Variants in EYS observed in about 807,000 individuals in gnomAD.
The protein encoded by EYS is EGF-like photoreceptor maintenance factor.
A neutral mutation model predicts 282.1 loss-of-function variants in EYS; 250 were observed. The observed-to-expected ratio is 0.89, with a 90% CI of 0.80 to 0.98. The LOEUF (loss-of-function observed/expected upper bound fraction) is 0.98. Among genes scored for constraint, EYS ranks in the 50% least tolerant of loss-of-function variants. The pLI is 0.00. For missense variants in EYS, 4,016 were observed against 3,709.0 expected, an observed-to-expected ratio of 1.08 and a Z score of -2.15; for synonymous variants, 1,355 against 1,282.9, an observed-to-expected ratio of 1.06 and a Z score of -1.20.
intron 12 of EYS, among the ~76,000 whole-genome samples, chr6:65,225,170 T>G (rs2150262721): frequency 6.6e-6 from 1 of 151,568 alleles, no homozygotes; most frequent in South Asian, 2.1e-4. Context: ...AACTTTTCAA[T>G]ATATGTATAA....
chr6:63,775,658 A>G (rs1309454214), intron 40 of EYS, among the ~76,000 whole-genome samples: 2 of 152,222 alleles, frequency 1.3e-5, no homozygotes, highest in Non-Finnish European at 2.9e-5. Flanking sequence ...AACTTCTTAA[A>G]CACTTTTGAA....
chr6:64,367,861 T>C (rs1772229977), intron 29 of EYS, among the ~76,000 whole-genome samples: 1 of 152,116 alleles, frequency 6.6e-6, no homozygotes, highest in Non-Finnish European at 1.5e-5. Context: ...TCTGGGTTTG[T>C]CCTGTGCAAA....
intron 22 of EYS, among the ~76,000 whole-genome samples, chr6:64,783,483 T>C (rs1773925996): frequency 2.6e-5 from 4 of 152,054 alleles, no homozygotes. Context: ...ATCTTCATTA[T>C]GTGCTAAAGG....
intron 31 of EYS, among the ~76,000 whole-genome samples, chr6:64,105,101 G>C (rs905033194): frequency 6.6e-6 from 1 of 151,840 alleles, no homozygotes; most frequent in African/African-American, 2.4e-5. Flanking sequence ...AGAACTAGGA[G>C]TAAGAGGAAA....
chr6:63,770,104 G>C (rs1300562411), intron 40 of EYS, among the ~76,000 whole-genome samples: 1 of 151,974 alleles, frequency 6.6e-6, no homozygotes, highest in Middle Eastern at 3.4e-3. Flanking sequence ...ATAATATTCA[G>C]TTTCTTAGGG....
chr6:65,469,708 C>T (rs889296781), intron 5 of EYS, among the ~76,000 whole-genome samples: 1 of 151,946 alleles, frequency 6.6e-6, no homozygotes, highest in Non-Finnish European at 1.5e-5. Flanking sequence ...TACCATTCAG[C>T]TCTTTTTTTT....
chr6:64,446,725 G>C (rs1315025134), intron 26 of EYS, among the ~76,000 whole-genome samples: 1 of 152,008 alleles, frequency 6.6e-6, no homozygotes, highest in East Asian at 1.9e-4. Flanking sequence ...TTGATAGTTT[G>C]ATAATTACTC....
At chr6:64,719,807 A>G (rs993076871) in intron 22 of EYS, among the ~76,000 whole-genome samples, 1 of 152,176 alleles carries the variant, frequency 6.6e-6, no homozygotes, top group African/African-American at 2.4e-5. Context: ...AGGCTGAGGC[A>G]AGAGAATTTC....
At chr6:65,401,451 A>T (rs1766491329) in intron 7 of EYS, among the ~76,000 whole-genome samples, 1 of 151,236 alleles carries the variant, frequency 6.6e-6, no homozygotes, top group Non-Finnish European at 1.5e-5. Context: ...CTACTAGCAC[A>T]TTGAGGCATA....
chr6:65,436,026 C>G (rs1452943426), intron 5 of EYS, among the ~76,000 whole-genome samples: 2 of 151,976 alleles, frequency 1.3e-5, no homozygotes, highest in Non-Finnish European at 2.9e-5. Flanking sequence ...AGTACATGGC[C>G]CTTTTTTTTA....
intron 35 of EYS, among the ~76,000 whole-genome samples, chr6:63,953,877 A>C (rs546691986): frequency 6.6e-6 from 1 of 152,304 alleles, no homozygotes; most frequent in Admixed American, 6.5e-5. Context: ...TTACTGTTTT[A>C]GCGTAGCCCT....
At chr6:64,551,049 A>T (rs1029895973) in intron 26 of EYS, among the ~76,000 whole-genome samples, 1 of 151,916 alleles carries the variant, frequency 6.6e-6, no homozygotes, top group African/African-American at 2.4e-5. Context: ...CACTTTTTCT[A>T]TTTTTAGGCA....
At chr6:63,755,102 A>T (rs1041428403) in intron 41 of EYS, among the ~76,000 whole-genome samples, 2 of 151,916 alleles carry the variant, frequency 1.3e-5, no homozygotes, top group Admixed American at 6.6e-5. Context: ...CGTTTTTCAG[A>T]TGGATAGATT....
chr6:65,261,979 T>G (rs1037369858), intron 12 of EYS, among the ~76,000 whole-genome samples: 1 of 152,056 alleles, frequency 6.6e-6, no homozygotes, highest in Non-Finnish European at 1.5e-5. Context: ...GGCCAGTGGA[T>G]CAAACTATTC....
At chr6:65,289,460 A>C (rs1397652404) in intron 12 of EYS, among the ~76,000 whole-genome samples, 1 of 151,006 alleles carries the variant, frequency 6.6e-6, no homozygotes, top group Non-Finnish European at 1.5e-5. Flanking sequence ...CTTGAGGACT[A>C]CTCCCAAATA....
chr6:65,605,371 T>C (rs1011536655), intron 2 of EYS, among the ~76,000 whole-genome samples: 2 of 151,996 alleles, frequency 1.3e-5, no homozygotes. Flanking sequence ...TATTCTATTA[T>C]GTCTTGAAAG....
At chr6:65,296,678 T>C (rs1453771608) in intron 11 of EYS, among the ~76,000 whole-genome samples, 1 of 151,892 alleles carries the variant, frequency 6.6e-6, no homozygotes, top group Non-Finnish European at 1.5e-5. Flanking sequence ...TACTCTTGAA[T>C]ACATGAACAT....
chr6:64,694,155 G>A (rs1387993668), intron 22 of EYS, among the ~76,000 whole-genome samples: 2 of 152,032 alleles, frequency 1.3e-5, no homozygotes, highest in Non-Finnish European at 2.9e-5. Flanking sequence ...TCGTTGTTGG[G>A]TTTTTTCCCC....
chr6:63,995,458 T>C (rs1767793343), intron 34 of EYS, among the ~76,000 whole-genome samples: 1 of 151,978 alleles, frequency 6.6e-6, no homozygotes, highest in Admixed American at 6.6e-5. Context: ...GGTCAGGATG[T>C]AAGATGATGT....
Sources: gnomAD v4.1 joint callset for allele counts (sites outside exome capture counted in the v4.1 genomes callset) on GRCh38, gnomAD v4.1.1 for gene constraint, MANE v1.5 for transcripts, NCBI Gene and HGNC (gene_info 2026-07-23, HGNC 2026-07-21) for gene names.